SNAP25: variants seen among roughly 807,000 people sequenced by gnomAD.
SNAP25 encodes synaptosomal-associated protein 25.
Under a neutral mutation model 28.7 loss-of-function variants are expected in SNAP25, and 3 were observed. The ratio of observed to expected loss-of-function variants is 0.10; its 90% confidence interval spans 0.05 to 0.27. The LOEUF (loss-of-function observed/expected upper bound fraction) is 0.27, where lower values mean the gene tolerates loss of function less well. Among genes scored for constraint, SNAP25 ranks in the 10% least tolerant of loss-of-function variants. SNAP25 has a pLI of 1.00. For missense variants in SNAP25, 117 were observed against 278.7 expected (o/e 0.42, Z 4.13); for synonymous variants, 61 against 88.1 (o/e 0.69, Z 1.72).
intron 1 of SNAP25, among the ~76,000 whole-genome samples, chr20:10,274,710 G>A (rs986698348): frequency 1.3e-5 from 2 of 152,126 alleles, no homozygotes; most frequent in African/African-American, 4.8e-5. Flanking sequence ...AGGTGTGGTG[G>A]TAGGCACCTG....
chr20:10,255,833 G>T (rs1277822449), intron 1 of SNAP25, among the ~76,000 whole-genome samples: 1 of 152,124 alleles, frequency 6.6e-6, no homozygotes, highest in Non-Finnish European at 1.5e-5. Context: ...ATTAAGCGCA[G>T]AACAGTGAGA....
intron 1 of SNAP25, among the ~76,000 whole-genome samples, chr20:10,263,088 A>G (rs539269473): frequency 7.5e-6 from 1 of 132,538 alleles, no homozygotes; most frequent in African/African-American, 2.9e-5. Flanking sequence ...GCGCAGTCTC[A>G]GCTCACTGCA....
chr20:10,232,562 G>A (rs2062846337), intron 1 of SNAP25, among the ~76,000 whole-genome samples: 1 of 152,174 alleles, frequency 6.6e-6, no homozygotes, highest in South Asian at 2.1e-4. Flanking sequence ...TCACCTTTCT[G>A]TGCTCACACT....
chr20:10,300,675 T>C (rs999223905), intron 7 of SNAP25, among the ~76,000 whole-genome samples: 5 of 152,246 alleles, frequency 3.3e-5, no homozygotes, highest in African/African-American at 1.2e-4. Flanking sequence ...TGTTGTGTTG[T>C]ACATACTCCA....
In SNAP25 at chr20:10,263,845, T is replaced by A. The variant is rs566329566; in HGVS notation, c.-63-11584T>A. On this transcript the variant is annotated intron_variant, in intron 1 of 7. Coordinates refer to ENST00000254976, the MANE Select transcript of SNAP25 (RefSeq NM_130811.4). Reference sequence around the variant, plus strand: ...ACTAACAGTAGCACTCTGTAAATATTGGTTAAATGAATGAACCTGTTACCG... The same window carrying A: ...ACTAACAGTAGCACTCTGTAAATATAGGTTAAATGAATGAACCTGTTACCG... Among the ~76,000 whole-genome samples, 5 of 152,266 alleles carry A rather than the reference T, an allele frequency of 3.3e-5. No individual in the cohort carries two copies. The South Asian group carries it at 8.3e-4, about 25-fold the overall frequency.
chr20:10,282,997 G>A lies in SNAP25; in HGVS notation c.115-1727G>A, dbSNP rs141143905. Among the ~76,000 whole-genome samples the A allele has an allele frequency of 7.3e-4, 111 of 152,256 alleles. 1 individual carries two copies. Among genetic ancestry groups the A allele is most frequent in the South Asian group, 5.8e-3 (28 of 4,816 alleles). On this transcript the variant is annotated intron_variant, in intron 3 of 7. Coordinates refer to ENST00000254976, the MANE Select transcript of SNAP25 (RefSeq NM_130811.4). ...ATATGTCAGGGAGCTTGTTAGAAAT[G>A]AAAAGCCCAGGCTCTACCCTAGCCC...
chr20:10,293,095 T>TC lies in SNAP25; in HGVS notation c.164-65dup, dbSNP rs1703619375. The TC allele has an allele frequency of 1.3e-6, 2 of 1,494,412 alleles. No individual in the cohort carries two copies. The highest frequency in any genetic ancestry group is 1.8e-4 in the Middle Eastern group (1 of 5,688). 92.6% of individuals were successfully genotyped at this position (1,494,412 alleles called of 1,614,324 possible). ...GTCAAAGTGAATGTCTGAAGTTTTG[T>TC]CTTTTTTTCTTTGTCCTTTTCCATC... is the stretch of plus-strand genomic sequence containing the variant. On this transcript the variant is annotated intron_variant, in intron 4 of 7. Coordinates refer to ENST00000254976, the MANE Select transcript of SNAP25 (RefSeq NM_130811.4). This position sits in a 1 kb window ranked among gnomAD's most constrained non-coding sequence, Gnocchi z 5.6.
chr20:10,299,883 A>G (rs2123162469), intron 7 of SNAP25, among the ~76,000 whole-genome samples: 1 of 152,344 alleles, frequency 6.6e-6, no homozygotes, highest in East Asian at 1.9e-4. Context: ...TGAATCTTGA[A>G]GGATGGTTAG....
chr20:10,264,755 T>G (rs569074874), intron 1 of SNAP25, among the ~76,000 whole-genome samples: 1 of 152,150 alleles, frequency 6.6e-6, no homozygotes, highest in Non-Finnish European at 1.5e-5. Flanking sequence ...TACACATGGA[T>G]CCTTCCACTC....
At chr20:10,247,340 G>T (rs1329774727) in intron 1 of SNAP25, among the ~76,000 whole-genome samples, 1 of 152,052 alleles carries the variant, frequency 6.6e-6, no homozygotes, top group Non-Finnish European at 1.5e-5. Flanking sequence ...ACTTTTTTCT[G>T]GCTCCTGAAA....
At chr20:10,255,557 G>A (rs891336395) in intron 1 of SNAP25, among the ~76,000 whole-genome samples, 3 of 152,162 alleles carry the variant, frequency 2.0e-5, no homozygotes, top group African/African-American at 7.2e-5. Flanking sequence ...GATGCAAAAT[G>A]TAGGGTTTTG....
chr20:10,297,192 C>G, intron 6 of SNAP25, 142 bp downstream of exon 6: 1 of 1,153,680 alleles, frequency 8.7e-7, no homozygotes, highest in Non-Finnish European at 1.1e-6. Context: ...TAAGCCTTTC[C>G]TGGACCTTGC....
chr20:10,292,564 T>C (rs1386572813), intron 4 of SNAP25, among the ~76,000 whole-genome samples: 1 of 152,174 alleles, frequency 6.6e-6, no homozygotes, highest in Non-Finnish European at 1.5e-5. Flanking sequence ...ACTAACACCC[T>C]GTTTTTTTTT....
intron 1 of SNAP25, among the ~76,000 whole-genome samples, chr20:10,245,551 A>T (rs1356149009): frequency 6.6e-6 from 1 of 152,228 alleles, no homozygotes; most frequent in Non-Finnish European, 1.5e-5. Flanking sequence ...GGGGGTCTAA[A>T]AAAAGTTTTG....
Position 10,277,739 on chromosome 20 carries a change from A to G in SNAP25, c.114+13A>G, listed in dbSNP as rs376612916. The G allele has an allele frequency of 4.3e-5, 70 of 1,612,184 alleles. No individual in the cohort carries two copies. The highest frequency in any genetic ancestry group is 3.3e-4 in the Middle Eastern group (2 of 6,082). On this transcript the variant is annotated intron_variant, in intron 3 of 7. Transcript: ENST00000254976. Reference sequence around the variant, plus strand: ...ACTGGTTGAAGAGGTAAGAAGTGACAGTATTTTAAGATAAAGGAACAAATC... The same window carrying G: ...ACTGGTTGAAGAGGTAAGAAGTGACGGTATTTTAAGATAAAGGAACAAATC...
At chr20:10,292,834 G>T in intron 4 of SNAP25, 1 of 1,185,800 alleles carries the variant, frequency 8.4e-7, no homozygotes, top group South Asian at 1.4e-5. Flanking sequence ...TTCTGTTGGA[G>T]ACCCCCAAAA....
chr20:10,251,957 A>T (rs1373029264), intron 1 of SNAP25, among the ~76,000 whole-genome samples: 1 of 152,170 alleles, frequency 6.6e-6, no homozygotes, highest in Non-Finnish European at 1.5e-5. Flanking sequence ...TTGACAGGTC[A>T]CTCCAGCAGC....
rs1376254903 is a variant in SNAP25 at position 10,277,743 on chromosome 20, T to A, written c.114+17T>A. ...GTTGAAGAGGTAAGAAGTGACAGTA[T>A]TTTAAGATAAAGGAACAAATCCCTT... On this transcript the variant is annotated intron_variant, in intron 3 of 7. Transcript: ENST00000254976. 1 of 1,611,732 alleles carries A rather than the reference T, an allele frequency of 6.2e-7. No homozygotes were observed. Among genetic ancestry groups the A allele is most frequent in the East Asian group, 2.2e-5 (1 of 44,872 alleles).
chr20:10,247,162 T>A (rs947847432), intron 1 of SNAP25, among the ~76,000 whole-genome samples: 3 of 152,124 alleles, frequency 2.0e-5, no homozygotes, highest in Admixed American at 2.0e-4. Context: ...TGCAAACATC[T>A]TTTTTACTTC....
Sources: allele counts gnomAD v4.1 joint callset (sites outside exome capture counted in the v4.1 genomes callset), GRCh38; gene constraint gnomAD v4.1.1; non-coding constraint Gnocchi (gnomAD v3.1); transcripts MANE v1.5; gene names NCBI Gene and HGNC (gene_info 2026-07-23, HGNC 2026-07-21).